Variants in NT5DC1 observed in about 807,000 individuals in gnomAD.
NT5DC1 encodes 5'-nucleotidase domain-containing protein 1.
NT5DC1 carries 42 observed loss-of-function variants against 59.4 expected under a neutral mutation model. The observed-to-expected ratio is 0.71, with a 90% CI of 0.55 to 0.92. The LOEUF (loss-of-function observed/expected upper bound fraction) is 0.92, where lower values mean the gene tolerates loss of function less well. Ranked by LOEUF, NT5DC1 falls within the 40% of genes least tolerant of loss-of-function variation. The probability of loss-of-function intolerance (pLI) is 0.00; values close to 1 mark genes in which losing one functional copy is unlikely to be tolerated. For synonymous variants in NT5DC1, 172 were observed against 188.1 expected (o/e 0.91, Z 0.70); for missense variants, 501 against 537.1 (o/e 0.93, Z 0.66).
rs1199218060 is a variant in NT5DC1, at chr6:116,106,266, A to G, written c.116A>G (p.Gln39Arg). The G allele has an allele frequency of 5.1e-6, 8 of 1,574,834 alleles. No homozygotes were observed. Among genetic ancestry groups the G allele is most frequent in the Non-Finnish European group, 7.0e-6 (8 of 1,145,362 alleles). ...CAGCTCATTTATAATAGCTTTGCCCAGTTCCTAGTTAAGGAGAAAGGGTAC... is the reference window on the plus strand; with the variant it reads ...CAGCTCATTTATAATAGCTTTGCCCGGTTCCTAGTTAAGGAGAAAGGGTAC... The part of the protein sequence containing the change: ...SAPLIYNSFA[Q>R]FLVKEKGYDK... The change falls in exon 2 of 12, where the codon CAG (glutamine) becomes CGG (arginine). Residue 39 changes from glutamine to arginine, a missense_variant. Gln to Arg is a conservative substitution (Grantham distance 43). Coordinates refer to ENST00000319550, the MANE Select transcript of NT5DC1 (RefSeq NM_152729.3).
At position 116,246,699 on chromosome 6, in the gene NT5DC1, A is replaced by AT. The variant is rs1771855430; in HGVS notation, c.*2676dup. 6.6e-6 allele frequency: 1 copy of AT among 152,152 alleles called. No homozygotes were observed. Among genetic ancestry groups the AT allele is most frequent in the Non-Finnish European group, 1.5e-5 (1 of 67,996 alleles). The allele number at this position is 152,152 out of a possible 1,614,324, so 9.4% of individuals were successfully genotyped here. On this transcript the variant is annotated 3_prime_UTR_variant, in exon 12 of 12. Coordinates refer to ENST00000319550, the MANE Select transcript of NT5DC1 (RefSeq NM_152729.3). ...GCCTCTTGAGTACAAGAAGACTATC[A>AT]TAAGAGTTAGTTCCAGATTGGTGCA... is the stretch of plus-strand genomic sequence containing the variant.
chr6:116,243,942 C>A lies in NT5DC1; in HGVS notation c.1286C>A (p.Ser429Tyr), dbSNP rs371466347. 48 of 1,573,664 alleles carry A rather than the reference C, an allele frequency of 3.1e-5. No individual in the cohort carries two copies. The African/African-American group carries it at 5.9e-4, about 19-fold the overall frequency. ...LPLDYKFTRF[S>Y]SSNSKTAGYY... ...CTGGACTACAAATTTACAAGATTCTCTTCAAGCAATTCAAAAACAGCTGGC... is the reference window on the plus strand; with the variant it reads ...CTGGACTACAAATTTACAAGATTCTATTCAAGCAATTCAAAAACAGCTGGC... Residue 429 changes from serine (S) to tyrosine (Y), a missense_variant, in exon 12 of 12, where the codon TCT becomes TAT. Physicochemically the swap from Ser to Tyr is moderately radical, Grantham distance 144. Coordinates refer to ENST00000319550, the MANE Select transcript of NT5DC1 (RefSeq NM_152729.3).
chr6:116,224,702 A>G (rs1226339065), intron 8 of NT5DC1, among the ~76,000 whole-genome samples: 1 of 152,210 alleles, frequency 6.6e-6, no homozygotes, highest in African/African-American at 2.4e-5. Context: ...GCACATGGTC[A>G]TGGGGTGGGA....
intron 6 of NT5DC1, among the ~76,000 whole-genome samples, chr6:116,167,752 G>A (rs1780506397): frequency 6.6e-6 from 1 of 152,044 alleles, no homozygotes; most frequent in African/African-American, 2.4e-5. Context: ...GACCGTTGTT[G>A]GATAATTACG....
At chr6:116,130,483 G>A (rs1314288775) in intron 6 of NT5DC1, among the ~76,000 whole-genome samples, 1 of 151,392 alleles carries the variant, frequency 6.6e-6, no homozygotes, top group Non-Finnish European at 1.5e-5. Flanking sequence ...CTAATGTTTT[G>A]TACCTTTCGT....
At chr6:116,133,610 A>G (rs2114338336) in intron 6 of NT5DC1, among the ~76,000 whole-genome samples, 1 of 152,314 alleles carries the variant, frequency 6.6e-6, no homozygotes, top group East Asian at 1.9e-4. Context: ...ATTTAACTTA[A>G]TCATACTAAC....
At chr6:116,119,211 T>G (rs1463871871) in intron 6 of NT5DC1, 1 of 152,634 alleles carries the variant, frequency 6.6e-6, no homozygotes, top group Non-Finnish European at 1.5e-5. Context: ...TAACTTCACT[T>G]GAATGGGAGG....
chr6:116,242,899 G>T (rs887041866), intron 11 of NT5DC1, among the ~76,000 whole-genome samples: 1 of 152,006 alleles, frequency 6.6e-6, no homozygotes, highest in Non-Finnish European at 1.5e-5. Context: ...AATCTCTACT[G>T]GTTTTTCTGC....
At chr6:116,182,738 T>C (rs909407375) in intron 6 of NT5DC1, among the ~76,000 whole-genome samples, 2 of 151,932 alleles carry the variant, frequency 1.3e-5, no homozygotes, top group African/African-American at 4.8e-5. Context: ...TGATTGTTTG[T>C]TTTTTTCTTG....
At chr6:116,188,487 T>C (rs1454443197) in intron 6 of NT5DC1, among the ~76,000 whole-genome samples, 1 of 151,946 alleles carries the variant, frequency 6.6e-6, no homozygotes, top group Non-Finnish European at 1.5e-5. Flanking sequence ...ATGAACAACA[T>C]GAATGAATCT....
At chr6:116,204,962 G>T (rs1214735086) in intron 6 of NT5DC1, among the ~76,000 whole-genome samples, 1 of 151,954 alleles carries the variant, frequency 6.6e-6, no homozygotes, top group Non-Finnish European at 1.5e-5. Flanking sequence ...ACATGTATAT[G>T]TGTGTGTAAG....
At chr6:116,108,327 A>G (rs572152481) in intron 2 of NT5DC1, 37 bp from the exon 3 acceptor site, 13 of 1,295,330 alleles carry the variant, frequency 1.0e-5, no homozygotes, top group Non-Finnish European at 1.2e-5. Context: ...TTAGCTAAAT[A>G]TAGGAATTGA....
intron 6 of NT5DC1, among the ~76,000 whole-genome samples, chr6:116,209,048 A>C (rs955081903): frequency 6.6e-6 from 1 of 152,032 alleles, no homozygotes; most frequent in Non-Finnish European, 1.5e-5. Context: ...GCTTTAAACA[A>C]AGTCTCTTAA....
intron 6 of NT5DC1, among the ~76,000 whole-genome samples, chr6:116,157,787 T>A (rs1172817005): frequency 6.6e-6 from 1 of 152,090 alleles, no homozygotes; most frequent in Non-Finnish European, 1.5e-5. Flanking sequence ...AACGGGGAAA[T>A]CAAAAACTGA....
Position 116,247,282 on chromosome 6 carries a change from A to G in NT5DC1, c.*3258A>G, listed in dbSNP as rs1282197215. The stretch of plus-strand genomic sequence containing the variant: ...TTCATAATTTAGCCAAATATATTAA[A>G]TATCTGTAATATAAAACTTACCTAG... On this transcript the variant is annotated 3_prime_UTR_variant, in exon 12 of 12. Transcript: ENST00000319550. 6.6e-6 allele frequency: 1 copy of G among 152,298 alleles called. No homozygotes were observed. The highest frequency in any genetic ancestry group is 2.1e-4 in the South Asian group (1 of 4,828). The allele number at this position is 152,298 out of a possible 1,614,324, so 9.4% of individuals were successfully genotyped here. A position where few individuals can be genotyped will look rare whatever the true frequency, so the allele number is the denominator to read the frequency against.
At chr6:116,205,102 C>T (rs986484374) in intron 6 of NT5DC1, among the ~76,000 whole-genome samples, 1 of 151,888 alleles carries the variant, frequency 6.6e-6, no homozygotes, top group Non-Finnish European at 1.5e-5. Flanking sequence ...TTCATGGGTT[C>T]TTAGTTTCTG....
At chr6:116,192,955 G>C (rs1292749035) in intron 6 of NT5DC1, among the ~76,000 whole-genome samples, 1 of 152,028 alleles carries the variant, frequency 6.6e-6, no homozygotes, top group African/African-American at 2.4e-5. Flanking sequence ...TCAAAAGCCA[G>C]GATTGTTGCC....
chr6:116,220,122 C>CTTTTT lies in NT5DC1; in HGVS notation c.530-913_530-909dup, dbSNP rs60827021. The stretch of plus-strand genomic sequence containing the variant: ...TATCATTCAGTACAAGCTGTTTAAC[C>CTTTTT]TTTTTTTTTTTTTTTTTTTTTTTGT... On this transcript the variant is annotated intron_variant, in intron 6 of 11. Coordinates refer to ENST00000319550, the MANE Select transcript of NT5DC1 (RefSeq NM_152729.3). 2.5e-3 allele frequency among the ~76,000 whole-genome samples: 245 copies of CTTTTT among 98,638 alleles called. 8 individuals carry two copies. The highest frequency in any genetic ancestry group is 8.0e-3 in the African/African-American group (185 of 23,046). 64.7% of individuals were successfully genotyped at this position (98,638 alleles called of 152,430 possible).
intron 6 of NT5DC1, among the ~76,000 whole-genome samples, chr6:116,147,604 A>T (rs980293417): frequency 1.3e-5 from 2 of 152,252 alleles, no homozygotes; most frequent in South Asian, 4.1e-4. Context: ...ATAAAGAATT[A>T]TAAATGGCCT....
Sources: gnomAD v4.1 joint callset for allele counts (sites outside exome capture counted in the v4.1 genomes callset) on GRCh38, gnomAD v4.1.1 for gene constraint, MANE v1.5 for transcripts, NCBI Gene and HGNC (gene_info 2026-07-23, HGNC 2026-07-21) for gene names.